SLC24A2: variants seen among roughly 807,000 people sequenced by gnomAD.
SLC24A2 encodes the protein sodium/potassium/calcium exchanger 2.
In SLC24A2, 36 loss-of-function variants were observed where a neutral mutation model predicts 62.0. That is an observed-to-expected ratio of 0.58 (90% CI 0.44 to 0.77). SLC24A2 has a LOEUF of 0.77. Among genes scored for constraint, SLC24A2 ranks in the 30% least tolerant of loss-of-function variants. The probability of loss-of-function intolerance (pLI) is 0.00; values close to 1 mark genes in which losing one functional copy is unlikely to be tolerated. For synonymous variants in SLC24A2, 358 were observed against 294.0 expected (o/e 1.22, Z -2.23); for missense variants, 846 against 817.9 (o/e 1.03, Z -0.42).
intron 2 of SLC24A2, among the ~76,000 whole-genome samples, chr9:19,781,551 C>G (rs1465479854): frequency 2.0e-5 from 3 of 152,128 alleles, no homozygotes; most frequent in African/African-American, 4.8e-5. Context: ...CTAGTTCACT[C>G]TCTGAATCAC....
the SLC24A2 span, among the ~76,000 whole-genome samples, chr9:19,874,105 A>T: frequency 8.1e-6 from 1 of 123,640 alleles, no homozygotes; most frequent in East Asian, 2.3e-4. Flanking sequence ...TTTGAGACAG[A>T]GTCTGGCTCT....
the SLC24A2 span, among the ~76,000 whole-genome samples, chr9:20,099,213 A>G: frequency 4.0e-4 from 61 of 152,346 alleles, no homozygotes; most frequent in African/African-American, 1.5e-3. Flanking sequence ...GTTGACAATG[A>G]TATTTCTTGA....
chr9:19,833,430 T>C, the SLC24A2 span, among the ~76,000 whole-genome samples: 1 of 152,190 alleles, frequency 6.6e-6, no homozygotes, highest in African/African-American at 2.4e-5. Context: ...GGAGATTATA[T>C]CCTGCACCTG....
At chr9:20,168,941 T>C in the SLC24A2 span, among the ~76,000 whole-genome samples, 10 of 151,980 alleles carry the variant, frequency 6.6e-5, no homozygotes. Context: ...GCCAAAGATG[T>C]AAACAACCCA....
intron 3 of SLC24A2, among the ~76,000 whole-genome samples, chr9:19,620,117 T>C (rs1004661954): frequency 5.9e-5 from 9 of 152,232 alleles, no homozygotes; most frequent in Admixed American, 4.6e-4. Context: ...CTTTTCTCAA[T>C]GACTATTCTC....
the SLC24A2 span, among the ~76,000 whole-genome samples, chr9:19,810,212 C>T: frequency 6.6e-6 from 1 of 152,148 alleles, no homozygotes; most frequent in East Asian, 1.9e-4. Flanking sequence ...CCGAGGAGCA[C>T]CTGTGCTCAT....
chr9:19,826,090 T>C, the SLC24A2 span, among the ~76,000 whole-genome samples: 1 of 148,154 alleles, frequency 6.7e-6, no homozygotes, highest in South Asian at 2.1e-4. Context: ...CTGAATGCAA[T>C]TAAACCAGGG....
At chr9:19,730,176 G>C (rs953231729) in intron 2 of SLC24A2, among the ~76,000 whole-genome samples, 2 of 152,120 alleles carry the variant, frequency 1.3e-5, no homozygotes, top group Admixed American at 6.6e-5. Context: ...AGAATGCAGT[G>C]AGAACCATGA....
chr9:19,901,634 C>A, the SLC24A2 span, among the ~76,000 whole-genome samples: 2 of 152,094 alleles, frequency 1.3e-5, no homozygotes, highest in Non-Finnish European at 2.9e-5. Flanking sequence ...AACATACGAC[C>A]CATGTTCATT....
intron 2 of SLC24A2, among the ~76,000 whole-genome samples, chr9:19,706,989 CA>C: frequency 6.6e-6 from 1 of 151,754 alleles, no homozygotes; most frequent in East Asian, 1.9e-4. Flanking sequence ...AAAGGATCAA[CA>C]AAATTGATAG....
At chr9:20,184,626 G>C in the SLC24A2 span, among the ~76,000 whole-genome samples, 1 of 152,136 alleles carries the variant, frequency 6.6e-6, no homozygotes, top group African/African-American at 2.4e-5. Context: ...GGTTGTGAAG[G>C]AAAGGAAGCC....
chr9:20,044,782 C>T, the SLC24A2 span, among the ~76,000 whole-genome samples: 4 of 152,134 alleles, frequency 2.6e-5, no homozygotes, highest in African/African-American at 9.7e-5. Flanking sequence ...GGCCCTAATG[C>T]TACCATGCAC....
chr9:19,701,271 G>A (rs572860365), intron 2 of SLC24A2, among the ~76,000 whole-genome samples: 5 of 152,302 alleles, frequency 3.3e-5, no homozygotes, highest in South Asian at 2.1e-4. Flanking sequence ...ATATTGTAGC[G>A]GAATCCGCTA....
chr9:19,800,332 C>G, the SLC24A2 span, among the ~76,000 whole-genome samples: 1 of 152,154 alleles, frequency 6.6e-6, no homozygotes, highest in Non-Finnish European at 1.5e-5. Context: ...ATAGCCTTTC[C>G]TACTCTATTA....
At chr9:20,209,427 C>A in the SLC24A2 span, among the ~76,000 whole-genome samples, 3 of 152,194 alleles carry the variant, frequency 2.0e-5, no homozygotes, top group Non-Finnish European at 4.4e-5. Context: ...TAAAAATATT[C>A]TAAGAAACCC....
the SLC24A2 span, among the ~76,000 whole-genome samples, chr9:20,077,610 G>A: frequency 6.9e-6 from 1 of 145,276 alleles, no homozygotes; most frequent in South Asian, 2.4e-4. Context: ...ATTAGATGGG[G>A]AGAAACTCAG....
chr9:20,163,882 A>G, the SLC24A2 span, among the ~76,000 whole-genome samples: 1 of 152,204 alleles, frequency 6.6e-6, no homozygotes, highest in Non-Finnish European at 1.5e-5. Context: ...GCAATGGGGA[A>G]AGGATTCCCT....
the SLC24A2 span, among the ~76,000 whole-genome samples, chr9:20,031,540 G>T: frequency 6.6e-6 from 1 of 151,830 alleles, no homozygotes; most frequent in Non-Finnish European, 1.5e-5. Context: ...AAATTTAGTG[G>T]ACCATAATTG....
chr9:19,590,198 C>T (rs1390089530), intron 5 of SLC24A2, among the ~76,000 whole-genome samples: 1 of 152,082 alleles, frequency 6.6e-6, no homozygotes, highest in East Asian at 1.9e-4. Context: ...CAAATTGTTT[C>T]CTAACTACAT....
Sources: gnomAD v4.1 joint callset for allele counts (sites outside exome capture counted in the v4.1 genomes callset) on GRCh38, gnomAD v4.1.1 for gene constraint, MANE v1.5 for transcripts, NCBI Gene and HGNC (gene_info 2026-07-23, HGNC 2026-07-21) for gene names.